The following SVIL variants were observed in gnomAD, a reference collection of about 807,000 sequenced individuals.
SVIL encodes the protein supervillin.
A neutral mutation model predicts 240.4 loss-of-function variants in SVIL; 101 were observed. That is an observed-to-expected ratio of 0.42 (90% confidence interval 0.36 to 0.50). The LOEUF (loss-of-function observed/expected upper bound fraction) is 0.50. SVIL is among the 20% of genes least tolerant of loss of function. The pLI is 0.01. For synonymous variants in SVIL, 999 were observed against 1,100.0 expected (o/e 0.91, Z 1.82); for missense variants, 2,512 against 2,818.7 (o/e 0.89, Z 2.46).
intron 7 of SVIL, among the ~76,000 whole-genome samples, chr10:29,535,737 G>T (rs1951697700): frequency 6.6e-6 from 1 of 152,122 alleles, no homozygotes; most frequent in Admixed American, 6.6e-5. Flanking sequence ...AAAAGCAAAA[G>T]GTCAAGTAAA....
intron 1 of SVIL, among the ~76,000 whole-genome samples, chr10:29,726,645 G>A (rs1478045191): frequency 6.6e-6 from 1 of 152,144 alleles, no homozygotes; most frequent in African/African-American, 2.4e-5. Context: ...TACTCGGGAG[G>A]CTGAGGCAGG....
intron 6 of SVIL, among the ~76,000 whole-genome samples, chr10:29,537,530 T>C (rs754865083): frequency 6.6e-6 from 1 of 152,224 alleles, no homozygotes; most frequent in Non-Finnish European, 1.5e-5. Flanking sequence ...ATTACTGCCC[T>C]GTCTCCTCTT....
intron 2 of SVIL, among the ~76,000 whole-genome samples, chr10:29,659,961 G>A (rs2133034689): frequency 6.6e-6 from 1 of 152,214 alleles, no homozygotes; most frequent in Non-Finnish European, 1.5e-5. Context: ...TCCTTTGCCT[G>A]CTTAGGAAAA....
In SVIL at chr10:29,494,945, C is replaced by T. The variant is rs1460017996; in HGVS notation, c.3810G>A (p.Leu1270=). The change falls in exon 20 of 38, where the codon CTG becomes CTA. Residue 1270 remains leucine (L), a synonymous_variant. Transcript: ENST00000355867. ...QLESDLKLDR[L]ETFLRRLNNK... ...TATTCAGCCTTCTTAGAAAGGTTTC[C>T]AGCCTGTCCAACTTCAGGTCCGATT... 3.1e-6 allele frequency: 5 copies of T among 1,613,900 alleles called. No homozygotes were observed. Among genetic ancestry groups the T allele is most frequent in the Non-Finnish European group, 4.2e-6 (5 of 1,180,032 alleles).
intron 32 of SVIL, among the ~76,000 whole-genome samples, chr10:29,469,362 CAG>C (rs1588837038): frequency 6.6e-6 from 1 of 152,308 alleles, no homozygotes; most frequent in African/African-American, 2.4e-5. Flanking sequence ...AGAGTGGACA[CAG>C]GGGCCCTGGC....
At chr10:29,499,617 C>A (rs1403995004) in intron 17 of SVIL, among the ~76,000 whole-genome samples, 1 of 152,158 alleles carries the variant, frequency 6.6e-6, no homozygotes, top group Non-Finnish European at 1.5e-5. Context: ...CTTAACCCAT[C>A]TAGTTAAACT....
intron 6 of SVIL, among the ~76,000 whole-genome samples, chr10:29,537,140 T>C (rs7904705): frequency 0.54 from 81,772 of 151,676 alleles, 23,144 homozygotes; most frequent in African/African-American, 0.72. Flanking sequence ...ATAAAATAAG[T>C]CAATGGGATC....
intron 1 of SVIL, chr10:29,602,223 T>C (rs764889593): frequency 7.6e-6 from 4 of 528,352 alleles, no homozygotes; most frequent in African/African-American, 5.8e-5. Context: ...AGAAACTTAA[T>C]GATGTTTCAT....
chr10:29,667,696 A>G (rs1959422892), intron 2 of SVIL, among the ~76,000 whole-genome samples: 1 of 151,966 alleles, frequency 6.6e-6, no homozygotes, highest in African/African-American at 2.4e-5. Flanking sequence ...TACAAAGAAT[A>G]AAAATAAGCC....
At chr10:29,604,284 C>T (rs1479733691) in intron 1 of SVIL, among the ~76,000 whole-genome samples, 1 of 149,612 alleles carries the variant, frequency 6.7e-6, no homozygotes, top group Admixed American at 6.6e-5. Context: ...ACTGCAACCT[C>T]CACCTCCCGG....
chr10:29,512,705 G>A (rs762147759), intron 17 of SVIL, 30 bp downstream of exon 17: 80 of 1,613,924 alleles, frequency 5.0e-5, no homozygotes, highest in Non-Finnish European at 6.6e-5. Flanking sequence ...ATGTTAGTCG[G>A]AAGGCTTTTC....
Position 29,467,798 on chromosome 10 carries a change from C to A in SVIL, c.5921G>T (p.Gly1974Val). The A allele has an allele frequency of 2.5e-6, 4 of 1,614,208 alleles. No individual in the cohort carries two copies. The highest frequency in any genetic ancestry group is 2.5e-6 in the Non-Finnish European group (3 of 1,180,034). Reference protein sequence around the residue: ...HECDEGSEPLGFWDALGRRDR... With the variant: ...HECDEGSEPLVFWDALGRRDR... Reference sequence around the variant, plus strand: ...TCTCCTTCCTAAGGCATCCCAGAATCCGAGTGGCTCGGAGCCTTCATCACA... The same window carrying A: ...TCTCCTTCCTAAGGCATCCCAGAATACGAGTGGCTCGGAGCCTTCATCACA... The change falls in exon 33 of 38, where the codon GGA (glycine) becomes GTA (valine). Residue 1974 changes from glycine to valine, a missense_variant. Coordinates refer to ENST00000355867, the MANE Select transcript of SVIL (RefSeq NM_021738.3).
At position 29,702,165 on chromosome 10, in the gene SVIL, A is replaced by G. The variant is rs975364623; in HGVS notation, c.-399-15514T>C. Among the ~76,000 whole-genome samples the G allele has an allele frequency of 2.9e-4, 33 of 114,366 alleles. 1 individual carries two copies. The highest frequency in any genetic ancestry group is 1.0e-3 in the African/African-American group (29 of 28,570). 75.0% of individuals were successfully genotyped at this position (114,366 alleles called of 152,430 possible). A position where few individuals can be genotyped will look rare whatever the true frequency, so the allele number is the denominator to read the frequency against. On this transcript the variant is annotated intron_variant, in intron 1 of 35. Coordinates refer to the SVIL transcript ENST00000375400. ...ACTCCAGCCTGGGTAATAGAGCGAG[A>G]CTCCATCTCCAAAAAAAAAAAAAAA...
In SVIL at chr10:29,696,651, T is replaced by C. The variant is rs763535629; in HGVS notation, c.-399-10000A>G. ...CGCCTCGGCCCGGCCGCGACCCCGT[T>C]TGGGAGGTGAGGAGTGTCTCTGCCC... On this transcript the variant is annotated intron_variant, in intron 1 of 35. Coordinates refer to the SVIL transcript ENST00000375400. Among the ~76,000 whole-genome samples the C allele has an allele frequency of 7.8e-5, 11 of 140,702 alleles. 1 individual carries two copies. Among genetic ancestry groups the C allele is most frequent in the Non-Finnish European group, 1.2e-4 (8 of 65,164 alleles). The allele number at this position is 140,702 out of a possible 152,430, so 92.3% of individuals were successfully genotyped here. A position where few individuals can be genotyped will look rare whatever the true frequency, so the allele number is the denominator to read the frequency against.
intron 3 of SVIL, among the ~76,000 whole-genome samples, chr10:29,561,116 C>T (rs1382096412): frequency 6.7e-6 from 1 of 148,520 alleles, no homozygotes; most frequent in Non-Finnish European, 1.5e-5. Context: ...CCACCATGCC[C>T]AGCCGGGGCA....
chr10:29,645,975 A>G (rs1958641393), intron 3 of SVIL, among the ~76,000 whole-genome samples: 1 of 152,234 alleles, frequency 6.6e-6, no homozygotes, highest in Admixed American at 6.5e-5. Flanking sequence ...ACTCCTTGCT[A>G]CAGCTCCCTT....
chr10:29,587,063 G>A (rs149321804), intron 1 of SVIL, among the ~76,000 whole-genome samples: 3 of 152,238 alleles, frequency 2.0e-5, no homozygotes, highest in Non-Finnish European at 4.4e-5. Flanking sequence ...AAATTTTCCC[G>A]ATAAAGTCCA....
At chr10:29,549,937 G>T (rs1953101463) in intron 6 of SVIL, among the ~76,000 whole-genome samples, 1 of 139,918 alleles carries the variant, frequency 7.1e-6, no homozygotes, top group South Asian at 2.3e-4. Flanking sequence ...ACGAGTTAGT[G>T]GGTGCAACGC....
At chr10:29,593,823 C>T (rs558619644) in intron 1 of SVIL, among the ~76,000 whole-genome samples, 198 of 152,282 alleles carry the variant, frequency 1.3e-3, no homozygotes, top group African/African-American at 4.5e-3. Context: ...TCCTTAGAGA[C>T]TGAGAAATGC....
Sources: allele counts gnomAD v4.1 joint callset (sites outside exome capture counted in the v4.1 genomes callset), GRCh38; gene constraint gnomAD v4.1.1; transcripts MANE v1.5; gene names NCBI Gene and HGNC (gene_info 2026-07-23, HGNC 2026-07-21).